The following MCTP1 variants were observed in gnomAD, a reference collection of about 807,000 sequenced individuals.
The protein encoded by MCTP1 is multiple C2 and transmembrane domain-containing protein 1.
MCTP1 carries 69 observed loss-of-function variants against 120.6 expected under a neutral mutation model. The ratio of observed to expected loss-of-function variants is 0.57; its 90% CI spans 0.47 to 0.70. MCTP1 has a LOEUF of 0.70. MCTP1 is among the 30% of genes least tolerant of loss of function. The pLI is 0.00. For synonymous variants in MCTP1, 529 were observed against 493.1 expected (o/e 1.07, Z -0.96); for missense variants, 1,203 against 1,248.8 (o/e 0.96, Z 0.55).
At chr5:94,779,873 A>G (rs1025079999) in intron 18 of MCTP1, among the ~76,000 whole-genome samples, 3 of 152,136 alleles carry the variant, frequency 2.0e-5, no homozygotes, top group East Asian at 3.9e-4. Flanking sequence ...TTTAACGGCT[A>G]TTTAGCCTAC....
chr5:95,261,447 A>C (rs560946666), intron 1 of MCTP1, among the ~76,000 whole-genome samples: 1 of 152,342 alleles, frequency 6.6e-6, no homozygotes, highest in South Asian at 2.1e-4. Context: ...TTAAAAATCT[A>C]ATTTCTTTTC....
chr5:95,158,528 T>A (rs1745368976), intron 1 of MCTP1, among the ~76,000 whole-genome samples: 1 of 152,220 alleles, frequency 6.6e-6, no homozygotes, highest in South Asian at 2.1e-4. Flanking sequence ...AGCCAGATTT[T>A]AAAAATAACA....
intron 17 of MCTP1, among the ~76,000 whole-genome samples, chr5:94,833,865 G>GA (rs914647634): frequency 8.6e-5 from 13 of 151,784 alleles, no homozygotes; most frequent in South Asian, 2.1e-4. Flanking sequence ...AAGAAAGTGA[G>GA]AAAAAAAATA....
intron 1 of MCTP1, among the ~76,000 whole-genome samples, chr5:95,158,257 A>G (rs931185614): frequency 1.3e-5 from 2 of 152,186 alleles, no homozygotes; most frequent in African/African-American, 4.8e-5. Context: ...ATCATCACAT[A>G]TCATTCATTT....
rs779677773 is a variant in MCTP1 at position 94,779,059 on chromosome 5, T to C, written c.2610+51A>G. 17 of 1,484,708 alleles carry C rather than the reference T, an allele frequency of 1.1e-5. No homozygotes were observed. In the African/African-American group the frequency reaches 2.3e-4, roughly 20 times the overall value. The allele number at this position is 1,484,708 out of a possible 1,614,324, so 92.0% of individuals were successfully genotyped here. ...TTAACTGTCTGTGAAAACAGTGTCA[T>C]GTCTACATTTCCCCATCCCCAGGTA... is the stretch of plus-strand genomic sequence containing the variant. On this transcript the variant is annotated intron_variant, in intron 19 of 22. Coordinates refer to ENST00000515393, the MANE Select transcript of MCTP1 (RefSeq NM_024717.7).
At chr5:94,769,231 G>A (rs1290291597) in intron 19 of MCTP1, among the ~76,000 whole-genome samples, 1 of 152,120 alleles carries the variant, frequency 6.6e-6, no homozygotes, top group Non-Finnish European at 1.5e-5. Flanking sequence ...CTAGAGGCTG[G>A]GAAGCGGGTG....
At chr5:94,832,946 G>A (rs1788892282) in intron 17 of MCTP1, among the ~76,000 whole-genome samples, 1 of 152,102 alleles carries the variant, frequency 6.6e-6, no homozygotes, top group Non-Finnish European at 1.5e-5. Context: ...CCTACAACAG[G>A]GTGGGTAGAG....
At chr5:94,733,381 A>G (rs958665681) in intron 19 of MCTP1, among the ~76,000 whole-genome samples, 3 of 152,232 alleles carry the variant, frequency 2.0e-5, no homozygotes, top group Non-Finnish European at 4.4e-5. Flanking sequence ...AATACGATCA[A>G]TACAGGATTT....
In MCTP1 at chr5:95,284,268, G is replaced by A. The variant is rs757523054; in HGVS notation, c.308C>T (p.Ser103Leu). 7.5e-6 allele frequency: 12 copies of A among 1,592,726 alleles called. No homozygotes were observed. In the African/African-American group the frequency reaches 1.4e-4, roughly 18 times the overall value. ...SSSQPNLCCS[S>L]PEPLEPGGAG... ...GCCGCCGGGCTCCAGGGGCTCCGGC[G>A]ACGAGCAGCACAGGTTGGGCTGCGA... Residue 103 changes from serine (S) to leucine (L), a missense_variant, in exon 1 of 23, where the codon TCG becomes TTG. By Grantham distance (145) the Ser-to-Leu change is moderately radical (BLOSUM62 -2). Coordinates refer to ENST00000515393, the MANE Select transcript of MCTP1 (RefSeq NM_024717.7). This position sits in a 1 kb window ranked among gnomAD's most constrained non-coding sequence, Gnocchi z 5.2.
chr5:95,284,539 G>A lies in MCTP1; in HGVS notation c.37C>T (p.Pro13Ser). The A allele has an allele frequency of 1.4e-6, 2 of 1,471,786 alleles. No homozygotes were observed. Among genetic ancestry groups the A allele is most frequent in the South Asian group, 1.3e-5 (1 of 74,852 alleles). The allele number at this position is 1,471,786 out of a possible 1,614,324, so 91.2% of individuals were successfully genotyped here. A position where few individuals can be genotyped will look rare whatever the true frequency, so the allele number is the denominator to read the frequency against. Reference sequence around the variant, plus strand: ...TGGAAGGAGGAGGACGCCGCCGGCGGCTCTGGCTCGCCCGCCGCGGCAGCC... The same window carrying A: ...TGGAAGGAGGAGGACGCCGCCGGCGACTCTGGCTCGCCCGCCGCGGCAGCC... ...PRAAAAGEPE[P>S]PAASSSFQAR... Residue 13 changes from proline to serine, a missense_variant, in exon 1 of 23, where the codon CCG becomes TCG. By Grantham distance (74) the Pro-to-Ser change is moderately conservative (BLOSUM62 -1). Coordinates refer to ENST00000515393, the MANE Select transcript of MCTP1 (RefSeq NM_024717.7). The surrounding 1 kb of genome is among the most constrained non-coding windows in gnomAD (Gnocchi z 5.2).
At chr5:94,762,377 C>T (rs950916721) in intron 19 of MCTP1, among the ~76,000 whole-genome samples, 12 of 152,200 alleles carry the variant, frequency 7.9e-5, no homozygotes, top group African/African-American at 2.9e-4. Context: ...TTACTATATG[C>T]CTTTCCCTCT....
chr5:94,993,367 G>A (rs554576280), intron 2 of MCTP1, among the ~76,000 whole-genome samples: 1 of 152,154 alleles, frequency 6.6e-6, no homozygotes, highest in East Asian at 1.9e-4. Flanking sequence ...ATGCAATACA[G>A]AAGTGTAAAA....
chr5:94,969,520 A>G (rs1293594271), intron 2 of MCTP1, among the ~76,000 whole-genome samples: 1 of 152,144 alleles, frequency 6.6e-6, no homozygotes, highest in Non-Finnish European at 1.5e-5. Context: ...GTTTTGGGAA[A>G]TCTACAACTA....
intron 1 of MCTP1, among the ~76,000 whole-genome samples, chr5:95,208,622 C>A (rs986251366): frequency 6.6e-6 from 1 of 151,854 alleles, no homozygotes; most frequent in African/African-American, 2.4e-5. Context: ...GGAGCTGGAA[C>A]TTCAACCAGC....
chr5:94,839,577 A>G (rs1275691552), intron 17 of MCTP1, among the ~76,000 whole-genome samples: 1 of 152,222 alleles, frequency 6.6e-6, no homozygotes, highest in Non-Finnish European at 1.5e-5. Context: ...CATATATTTA[A>G]AAATAATATA....
At chr5:95,123,726 T>A (rs1275063501) in intron 1 of MCTP1, among the ~76,000 whole-genome samples, 1 of 151,616 alleles carries the variant, frequency 6.6e-6, no homozygotes, top group Non-Finnish European at 1.5e-5. Context: ...CTCGGCTCAC[T>A]GCAAGCTCTG....
At chr5:95,266,409 T>C (rs1758887930) in intron 1 of MCTP1, among the ~76,000 whole-genome samples, 1 of 152,232 alleles carries the variant, frequency 6.6e-6, no homozygotes, top group Admixed American at 6.5e-5. Context: ...TGTACATTTC[T>C]ATGGGGAAAA....
At chr5:95,203,777 C>T (rs925190916) in intron 1 of MCTP1, among the ~76,000 whole-genome samples, 8 of 152,170 alleles carry the variant, frequency 5.3e-5, no homozygotes, top group African/African-American at 1.9e-4. Flanking sequence ...TAACTTAACA[C>T]ATATGTGAGT....
Position 94,777,921 on chromosome 5 carries a change from AGTGTGC to A in MCTP1, c.2610+1183_2610+1188del, listed in dbSNP as rs1306631269. Among the ~76,000 whole-genome samples, 9 of 82,334 alleles carry A rather than the reference AGTGTGC, an allele frequency of 1.1e-4. No homozygotes were observed. In the South Asian group the frequency reaches 1.8e-3, roughly 17 times the overall value. The allele number at this position is 82,334 out of a possible 152,430, so 54.0% of individuals were successfully genotyped here. On this transcript the variant is annotated intron_variant, in intron 19 of 22. Coordinates refer to ENST00000515393, the MANE Select transcript of MCTP1 (RefSeq NM_024717.7). Reference sequence around the variant, plus strand: ...TTTGAAATAGCGTTAGAAGGGAGAAAGTGTGCGTGTGTGTGTGTGTGTGTGTGTGTG... The same window carrying A: ...TTTGAAATAGCGTTAGAAGGGAGAAAGTGTGTGTGTGTGTGTGTGTGTGTG...
Sources: allele counts gnomAD v4.1 joint callset (sites outside exome capture counted in the v4.1 genomes callset), GRCh38; gene constraint gnomAD v4.1.1; non-coding constraint Gnocchi (gnomAD v3.1); transcripts MANE v1.5; gene names NCBI Gene and HGNC (gene_info 2026-07-23, HGNC 2026-07-21).